Variants in PTPRQ observed in about 807,000 individuals in gnomAD.
PTPRQ encodes the protein phosphatidylinositol phosphatase PTPRQ.
Under a neutral mutation model 246.0 loss-of-function variants are expected in PTPRQ, and 199 were observed. That is an observed-to-expected ratio of 0.81 (90% CI 0.72 to 0.91). The LOEUF (loss-of-function observed/expected upper bound fraction) is 0.91, where lower values mean the gene tolerates loss of function less well. Among genes scored for constraint, PTPRQ ranks in the 40% least tolerant of loss-of-function variants. The probability of loss-of-function intolerance (pLI) is 0.00; values close to 1 mark genes in which losing one functional copy is unlikely to be tolerated. For synonymous variants in PTPRQ, 869 were observed against 853.2 expected (o/e 1.02, Z -0.32); for missense variants, 2,624 against 2,528.4 (o/e 1.04, Z -0.81).
intron 3 of PTPRQ, among the ~76,000 whole-genome samples, chr12:80,456,409 T>C (rs533316636): frequency 2.0e-5 from 3 of 152,308 alleles, no homozygotes; most frequent in Non-Finnish European, 4.4e-5. Context: ...ATAGGCAACC[T>C]TTTTCTAACT....
Position 80,652,764 on chromosome 12 carries a change from G to A in PTPRQ, c.6045G>A (p.Gln2015=). The change falls in exon 38 of 45, where the codon CAG becomes CAA. Residue 2015 remains glutamine (Q), a synonymous_variant. Coordinates refer to ENST00000644991, the MANE Select transcript of PTPRQ (RefSeq NM_001145026.2). ...TACAGGAATTACCAAAATTTCTTCA[G>A]GATCTTTCTTCAACTGATGCTGATC... ...EEFSELPKFL[Q]DLSSTDADLP... is the part of the protein sequence containing the mutation. 1 of 1,497,336 alleles carries A rather than the reference G, an allele frequency of 6.7e-7. No homozygotes were observed. The highest frequency in any genetic ancestry group is 8.9e-7 in the Non-Finnish European group (1 of 1,125,792). The allele number at this position is 1,497,336 out of a possible 1,614,324, so 92.8% of individuals were successfully genotyped here. A position where few individuals can be genotyped will look rare whatever the true frequency, so the allele number is the denominator to read the frequency against.
intron 24 of PTPRQ, among the ~76,000 whole-genome samples, chr12:80,547,289 A>T (rs1896335307): frequency 6.6e-6 from 1 of 152,096 alleles, no homozygotes; most frequent in South Asian, 2.1e-4. Context: ...TTTATTTGGG[A>T]CCTATTTAAT....
At chr12:80,636,783 G>T (rs763929707) in intron 35 of PTPRQ, among the ~76,000 whole-genome samples, 1 of 152,084 alleles carries the variant, frequency 6.6e-6, no homozygotes, top group African/African-American at 2.4e-5. Flanking sequence ...ATGTAATAAC[G>T]TGAAAAAGCA....
At chr12:80,601,411 C>A (rs1298518395) in intron 26 of PTPRQ, among the ~76,000 whole-genome samples, 3 of 151,766 alleles carry the variant, frequency 2.0e-5, no homozygotes, top group Admixed American at 1.3e-4. Context: ...TCCAAAGCTA[C>A]CTTGATCACC....
At chr12:80,647,904 T>A (rs907301951) in intron 35 of PTPRQ, among the ~76,000 whole-genome samples, 1 of 152,082 alleles carries the variant, frequency 6.6e-6, no homozygotes, top group Non-Finnish European at 1.5e-5. Context: ...GCACCCATCA[T>A]TAACTGAGAA....
At chr12:80,673,103 C>T (rs1036963336) in intron 42 of PTPRQ, 66 bp from the exon 43 acceptor site, 53 of 1,536,438 alleles carry the variant, frequency 3.4e-5, no homozygotes, top group Middle Eastern at 2.1e-4. Flanking sequence ...AGCTCATTAT[C>T]TTTATCCCCA....
chr12:80,500,501 C>A (rs528237294), intron 14 of PTPRQ, among the ~76,000 whole-genome samples: 174 of 152,056 alleles, frequency 1.1e-3, no homozygotes, highest in Non-Finnish European at 1.7e-3. Flanking sequence ...GGTAGGCAGA[C>A]AACTGCAGAG....
chr12:80,470,357 C>G (rs1338547903), intron 7 of PTPRQ, among the ~76,000 whole-genome samples: 3 of 151,706 alleles, frequency 2.0e-5, no homozygotes, highest in African/African-American at 4.8e-5. Flanking sequence ...TTGGTGGGAG[C>G]CTGTGGCAAA....
At chr12:80,661,203 C>A (rs201494888) in intron 39 of PTPRQ, among the ~76,000 whole-genome samples, 7 of 145,314 alleles carry the variant, frequency 4.8e-5, no homozygotes, top group Non-Finnish European at 1.0e-4. Flanking sequence ...CATAATCATA[C>A]AAAAGGAAAA....
At chr12:80,478,256 C>T (rs1893893334) in intron 8 of PTPRQ, among the ~76,000 whole-genome samples, 1 of 151,628 alleles carries the variant, frequency 6.6e-6, no homozygotes, top group African/African-American at 2.4e-5. Context: ...GGAGGCATCC[C>T]CCAGCAGGGG....
chr12:80,648,007 T>A (rs1648417512), intron 35 of PTPRQ, among the ~76,000 whole-genome samples: 1 of 152,172 alleles, frequency 6.6e-6, no homozygotes, highest in African/African-American at 2.4e-5. Flanking sequence ...TTTTAAATCC[T>A]GTTTTCTTCA....
intron 17 of PTPRQ, among the ~76,000 whole-genome samples, chr12:80,518,860 T>C (rs919213070): frequency 4.6e-5 from 7 of 152,186 alleles, no homozygotes; most frequent in African/African-American, 1.7e-4. Context: ...GCCAGTACCA[T>C]ACTATTTTGG....
At chr12:80,597,609 A>G (rs1297547418) in intron 26 of PTPRQ, among the ~76,000 whole-genome samples, 1 of 151,924 alleles carries the variant, frequency 6.6e-6, no homozygotes, top group Non-Finnish European at 1.5e-5. Flanking sequence ...CCCTTTTCCA[A>G]TCCACTCATT....
chr12:80,676,357 T>C (rs146867300), intron 43 of PTPRQ, among the ~76,000 whole-genome samples: 1 of 152,238 alleles, frequency 6.6e-6, no homozygotes, highest in Non-Finnish European at 1.5e-5. Context: ...AACAATGCAC[T>C]GGGCACTGGG....
Position 80,495,299 on chromosome 12 carries a change from A to T in PTPRQ, c.1810A>T (p.Ile604Phe). 2 of 1,545,926 alleles carry T rather than the reference A, an allele frequency of 1.3e-6. No homozygotes were observed. The highest frequency in any genetic ancestry group is 1.7e-6 in the Non-Finnish European group (2 of 1,145,216). ...CAATGGAAAAATAACTCACTATACGATTTATGCAATGGAATTGGATACAAA... is the reference window on the plus strand; with the variant it reads ...CAATGGAAAAATAACTCACTATACGTTTTATGCAATGGAATTGGATACAAA... ...YPNGKITHYT[I>F]YAMELDTNRA... The change falls in exon 12 of 45, where the codon ATT becomes TTT. Residue 604 changes from isoleucine (I) to phenylalanine (F), a missense_variant. By Grantham distance (21) the Ile-to-Phe change is conservative (BLOSUM62 0). Transcript: ENST00000644991.
intron 17 of PTPRQ, among the ~76,000 whole-genome samples, chr12:80,522,270 G>A (rs941157843): frequency 1.3e-5 from 2 of 152,130 alleles, no homozygotes; most frequent in African/African-American, 4.8e-5. Flanking sequence ...GGGCTGAGAC[G>A]ATGGAGTTTT....
chr12:80,606,290 A>T (rs950842517), intron 27 of PTPRQ, among the ~76,000 whole-genome samples: 3 of 150,958 alleles, frequency 2.0e-5, no homozygotes, highest in Middle Eastern at 3.2e-3. Flanking sequence ...GATAGTCAAA[A>T]TTATAAGAGT....
chr12:80,492,993 T>C (rs1267535168), intron 9 of PTPRQ, among the ~76,000 whole-genome samples: 1 of 151,904 alleles, frequency 6.6e-6, no homozygotes, highest in African/African-American at 2.4e-5. Context: ...CGTCTTATCT[T>C]ACCATAAAGA....
rs190282158 is a variant in PTPRQ at position 80,544,659 on chromosome 12, G to A, written c.3873+1778G>A. On this transcript the variant is annotated intron_variant, in intron 23 of 44. Transcript: ENST00000644991. ...GTACTCTCATGCCATCTTTTTCCCT[G>A]TCTTGGCATCTAGTTACTATATCTG... Among the ~76,000 whole-genome samples, 48 of 151,926 alleles carry A rather than the reference G, an allele frequency of 3.2e-4. 1 individual carries two copies. The highest frequency in any genetic ancestry group is 1.3e-3 in the Admixed American group (20 of 15,238).
Sources: allele counts gnomAD v4.1 joint callset (sites outside exome capture counted in the v4.1 genomes callset), GRCh38; gene constraint gnomAD v4.1.1; transcripts MANE v1.5; gene names NCBI Gene and HGNC (gene_info 2026-07-23, HGNC 2026-07-21).